NTNG1: variants seen among roughly 807,000 people sequenced by gnomAD.
NTNG1 encodes the protein netrin G1.
Under a neutral mutation model 54.0 loss-of-function variants are expected in NTNG1, and 16 were observed. The observed-to-expected ratio is 0.30, with a 90% CI of 0.20 to 0.45. NTNG1 has a LOEUF of 0.45. Among genes scored for constraint, NTNG1 ranks in the 20% least tolerant of loss-of-function variants. The probability of loss-of-function intolerance (pLI) is 1.00; values close to 1 mark genes in which losing one functional copy is unlikely to be tolerated. For synonymous variants in NTNG1, 255 were observed against 263.1 expected, an observed-to-expected ratio of 0.97 and a Z score of 0.30; for missense variants, 530 against 678.7, an observed-to-expected ratio of 0.78 and a Z score of 2.43.
chr1:107,420,288 C>T (rs1476502839), intron 5 of NTNG1, among the ~76,000 whole-genome samples: 1 of 152,058 alleles, frequency 6.6e-6, no homozygotes, highest in Non-Finnish European at 1.5e-5. Context: ...TCAAATGAAT[C>T]TATTGAGAAG....
At chr1:107,192,543 A>G (rs764617989) in intron 2 of NTNG1, among the ~76,000 whole-genome samples, 64 of 151,906 alleles carry the variant, frequency 4.2e-4, no homozygotes, top group Non-Finnish European at 7.5e-4. Context: ...GTTAACCCCT[A>G]CTTTCCCCTT....
chr1:107,380,888 A>G (rs1671604330), intron 3 of NTNG1, among the ~76,000 whole-genome samples: 5 of 152,170 alleles, frequency 3.3e-5, no homozygotes, highest in Admixed American at 2.0e-4. Flanking sequence ...TAAATATAAA[A>G]CAAAAATATT....
At chr1:107,289,217 C>T (rs1030270344) in intron 2 of NTNG1, among the ~76,000 whole-genome samples, 3 of 152,126 alleles carry the variant, frequency 2.0e-5, no homozygotes, top group African/African-American at 7.2e-5. Flanking sequence ...CTGATCCACT[C>T]ACCTGCTATG....
intron 3 of NTNG1, among the ~76,000 whole-genome samples, chr1:107,355,263 T>A (rs897154215): frequency 1.3e-5 from 2 of 151,954 alleles, no homozygotes; most frequent in Admixed American, 6.5e-5. Context: ...TCTTTTTTTT[T>A]TTAACTTTTT....
chr1:107,376,200 C>A (rs1301347662), intron 3 of NTNG1, among the ~76,000 whole-genome samples: 2 of 151,042 alleles, frequency 1.3e-5, no homozygotes, highest in Non-Finnish European at 3.0e-5. Flanking sequence ...GTGGGCGGAT[C>A]ATGAGGTCAG....
chr1:107,152,471 C>T (rs540621373), intron 2 of NTNG1, among the ~76,000 whole-genome samples: 5 of 152,214 alleles, frequency 3.3e-5, no homozygotes, highest in African/African-American at 9.6e-5. Context: ...TTCCCGCACA[C>T]CCCAGTGGCT....
intron 3 of NTNG1, among the ~76,000 whole-genome samples, chr1:107,340,330 T>G (rs1308326777): frequency 6.6e-6 from 1 of 152,024 alleles, no homozygotes; most frequent in East Asian, 1.9e-4. Flanking sequence ...CTGAGTAAAA[T>G]GTGGACTTGC....
chr1:107,200,627 C>G (rs1658678222), intron 2 of NTNG1, among the ~76,000 whole-genome samples: 1 of 151,712 alleles, frequency 6.6e-6, no homozygotes, highest in Admixed American at 6.6e-5. Context: ...TACTTCAAAG[C>G]CTTTTTAAAA....
At chr1:107,255,455 A>G (rs1662872418) in intron 2 of NTNG1, among the ~76,000 whole-genome samples, 1 of 152,220 alleles carries the variant, frequency 6.6e-6, no homozygotes, top group Non-Finnish European at 1.5e-5. Context: ...AAAGACTGAA[A>G]TAAAAGGAAA....
intron 6 of NTNG1, 110 bp from the exon 7 acceptor site, chr1:107,436,555 G>T: frequency 2.4e-6 from 2 of 829,214 alleles, no homozygotes; most frequent in Non-Finnish European, 3.6e-6. Context: ...TTCATTAATG[G>T]ACATCTTTCT....
intron 7 of NTNG1, among the ~76,000 whole-genome samples, chr1:107,451,493 G>A (rs1017043032): frequency 1.4e-4 from 21 of 152,132 alleles, no homozygotes; most frequent in African/African-American, 2.4e-5. Context: ...AAGTGTGACT[G>A]TCATCGGCAG....
intron 5 of NTNG1, among the ~76,000 whole-genome samples, chr1:107,418,811 A>C (rs1674384544): frequency 6.6e-6 from 1 of 152,036 alleles, no homozygotes. Flanking sequence ...CAAAAATATT[A>C]GAGTGAAAGA....
chr1:107,388,749 CTA>C (rs1285847088), intron 3 of NTNG1, among the ~76,000 whole-genome samples: 3 of 152,126 alleles, frequency 2.0e-5, no homozygotes, highest in African/African-American at 7.2e-5. Flanking sequence ...CTCATCAACT[CTA>C]AGTTATGTTG....
chr1:107,207,943 C>G (rs1244095109), intron 2 of NTNG1, among the ~76,000 whole-genome samples: 2 of 152,158 alleles, frequency 1.3e-5, no homozygotes, highest in Non-Finnish European at 2.9e-5. Context: ...TCCACCCTGT[C>G]TCTGGTTCCA....
chr1:107,293,889 T>TA (rs972930883), intron 2 of NTNG1, among the ~76,000 whole-genome samples: 4 of 53,782 alleles, frequency 7.4e-5, no homozygotes, highest in Non-Finnish European at 1.3e-4. Flanking sequence ...TTATAAGTGA[T>TA]TTTTTTTCTT....
intron 2 of NTNG1, among the ~76,000 whole-genome samples, chr1:107,315,718 T>C (rs1389426422): frequency 6.6e-6 from 1 of 152,186 alleles, no homozygotes; most frequent in Admixed American, 6.5e-5. Flanking sequence ...TGTGATTTCC[T>C]TTTGCAGTTT....
intron 2 of NTNG1, among the ~76,000 whole-genome samples, chr1:107,206,835 G>A (rs190917296): frequency 1.3e-5 from 2 of 152,094 alleles, no homozygotes; most frequent in African/African-American, 4.8e-5. Flanking sequence ...TAGACCATGG[G>A]CCGGCCTAGA....
rs1381776612 is a variant in NTNG1 at position 107,481,387 on chromosome 1, T to C, written c.*547T>C. On this transcript the variant is annotated 3_prime_UTR_variant, in exon 8 of 8. Transcript: ENST00000370068. ...TTGTTGGTTGAAAGATTTCTTTGTC[T>C]GATGTTAGTGATGCACATGTGTAAC... 1 of 153,588 alleles carries C rather than the reference T, an allele frequency of 6.5e-6. No individual in the cohort carries two copies. The highest frequency in any genetic ancestry group is 2.4e-5 in the African/African-American group (1 of 41,464). 9.5% of individuals were successfully genotyped at this position (153,588 alleles called of 1,614,324 possible).
intron 5 of NTNG1, among the ~76,000 whole-genome samples, chr1:107,412,770 A>T (rs1037395022): frequency 2.0e-5 from 3 of 152,196 alleles, no homozygotes; most frequent in African/African-American, 7.2e-5. Context: ...ACCACCAAAC[A>T]TCTTCAATAT....
Sources: allele counts gnomAD v4.1 joint callset (sites outside exome capture counted in the v4.1 genomes callset), GRCh38; gene constraint gnomAD v4.1.1; transcripts MANE v1.5; gene names NCBI Gene and HGNC (gene_info 2026-07-23, HGNC 2026-07-21).